TBC1D31: variants seen among roughly 807,000 people sequenced by gnomAD.
TBC1D31 encodes the protein TBC1 domain family member 31, also known as WD repeat domain 67.
Under a neutral mutation model 132.9 loss-of-function variants are expected in TBC1D31, and 99 were observed. The observed-to-expected ratio is 0.74, with a 90% confidence interval of 0.63 to 0.88. The LOEUF is 0.88. Among genes scored for constraint, TBC1D31 ranks in the 40% least tolerant of loss-of-function variants. TBC1D31 has a pLI of 0.00. For missense variants in TBC1D31, 1,134 were observed against 1,256.6 expected, an observed-to-expected ratio of 0.90 and a Z score of 1.48; for synonymous variants, 385 against 419.4, an observed-to-expected ratio of 0.92 and a Z score of 1.00.
At chr8:123,148,126 CAA>C (rs768554132) in intron 20 of TBC1D31, among the ~76,000 whole-genome samples, 10 of 115,966 alleles carry the variant, frequency 8.6e-5, no homozygotes, top group Non-Finnish European at 9.3e-5. Context: ...GACTCCATCT[CAA>C]AAAAAAAAAA....
downstream of TBC1D31, among the ~76,000 whole-genome samples, chr8:123,155,606 A>G (rs982495497): frequency 2.0e-5 from 3 of 152,210 alleles, no homozygotes; most frequent in Non-Finnish European, 4.4e-5. This position sits in a 1 kb window ranked among gnomAD's most constrained non-coding sequence, Gnocchi z 4.1. Flanking sequence ...ATCACCATGG[A>G]GAGTCATACC....
chr8:123,084,415 A>G, intron 4 of TBC1D31, 75 bp downstream of exon 4: 1 of 1,361,926 alleles, frequency 7.3e-7, no homozygotes, highest in Non-Finnish European at 1.0e-6. Context: ...TATAGATGAT[A>G]TAAGAGTAAT....
At chr8:123,096,653 A>G (rs2130264137) in intron 5 of TBC1D31, among the ~76,000 whole-genome samples, 1 of 152,394 alleles carries the variant, frequency 6.6e-6, no homozygotes, top group African/African-American at 2.4e-5. Flanking sequence ...GACTGTGTCC[A>G]TGGCTTCTGG....
rs1370255585 is a variant in TBC1D31, at chr8:123,117,708, G to A, written c.1437-2347G>A. On this transcript the variant is annotated intron_variant, in intron 10 of 21. Coordinates refer to ENST00000287380, the MANE Select transcript of TBC1D31 (RefSeq NM_145647.4). ...GCGGAGGTTGCAGTGAGTCGAGATC[G>A]CGCCACTGCGCTCCAGCCTGGGCGA... Among the ~76,000 whole-genome samples, 6 of 143,122 alleles carry A rather than the reference G, an allele frequency of 4.2e-5. No individual in the cohort carries two copies. In the East Asian group the frequency reaches 1.1e-3, roughly 25 times the overall value. The allele number at this position is 143,122 out of a possible 152,430, so 93.9% of individuals were successfully genotyped here.
intron 17 of TBC1D31, among the ~76,000 whole-genome samples, chr8:123,140,541 A>AT (rs890962988): frequency 7.3e-5 from 11 of 151,316 alleles, no homozygotes; most frequent in East Asian, 1.9e-4. Context: ...TCATTTTGAC[A>AT]TTTTTTTTTA....
intron 1 of TBC1D31, among the ~76,000 whole-genome samples, chr8:123,076,336 G>GTA (rs1296619488): frequency 1.1e-5 from 1 of 92,800 alleles, no homozygotes; most frequent in African/African-American, 4.2e-5. Context: ...TTAATTGTGT[G>GTA]TATGTGTGTG....
In TBC1D31 at chr8:123,126,128, T is replaced by C. The variant is rs771505339; in HGVS notation, c.1643T>C (p.Val548Ala). The part of the protein sequence containing the change: ...PINILSMIEN[V>A]LAFHDKELLQ... ...AATATTCTTAGCATGATAGAAAATG[T>C]TTTGGCATTTCATGACAAGGAACTG... Residue 548 changes from valine (V) to alanine (A), a missense_variant, in exon 12 of 22, where the codon GTT becomes GCT. By Grantham distance (64) the Val-to-Ala change is moderately conservative. Transcript: ENST00000287380. The C allele has an allele frequency of 5.6e-6, 9 of 1,612,222 alleles. No homozygotes were observed. The highest frequency in any genetic ancestry group is 8.5e-7 in the Non-Finnish European group (1 of 1,179,312).
chr8:123,129,085 C>T lies in TBC1D31; in HGVS notation c.2137C>T (p.Gln713Ter), dbSNP rs1047414007. The change falls in exon 15 of 22, where the codon CAA (glutamine) becomes TAA (stop). Residue 713 changes from glutamine (Q) to a stop codon, truncating the protein, a stop_gained. Transcript: ENST00000287380. LOFTEE classifies it high-confidence loss of function. ...LRERQTVEDM[Q>*]AKVDQQRVED... ...CTTAAGGCAGACAGTTGAAGATATGCAAGCTAAAGTCGACCAGCAAAGAGT... is the reference window on the plus strand; with the variant it reads ...CTTAAGGCAGACAGTTGAAGATATGTAAGCTAAAGTCGACCAGCAAAGAGT... The T allele has an allele frequency of 2.4e-5, 39 of 1,598,030 alleles. No individual in the cohort carries two copies. The highest frequency in any genetic ancestry group is 3.2e-5 in the Non-Finnish European group (38 of 1,170,168).
At chr8:123,108,141 G>C (rs556613837) in intron 8 of TBC1D31, among the ~76,000 whole-genome samples, 1 of 152,176 alleles carries the variant, frequency 6.6e-6, no homozygotes, top group South Asian at 2.1e-4. Flanking sequence ...TGTAAAAAGA[G>C]CACTAAACGA....
Position 123,097,407 on chromosome 8 carries a change from T to C in TBC1D31, c.797T>C (p.Phe266Ser). 2 of 1,614,190 alleles carry C rather than the reference T, an allele frequency of 1.2e-6. No individual in the cohort carries two copies. The highest frequency in any genetic ancestry group is 1.7e-6 in the Non-Finnish European group (2 of 1,180,030). ...TKVRAIRHLE[F>S]LPDSFDAGSN... ...GTTCGAGCCATTCGCCATCTGGAATTTCTTCCTGATAGTTTTGATGCTGGT... is the reference window on the plus strand; with the variant it reads ...GTTCGAGCCATTCGCCATCTGGAATCTCTTCCTGATAGTTTTGATGCTGGT... Residue 266 changes from phenylalanine (F) to serine (S), a missense_variant, in exon 6 of 22, where the codon TTT becomes TCT. Transcript: ENST00000287380.
Position 123,150,323 on chromosome 8 carries a change from A to G in TBC1D31, c.3067+195A>G, listed in dbSNP as rs750025651. Among the ~76,000 whole-genome samples the G allele has an allele frequency of 3.4e-4, 52 of 152,218 alleles. No homozygotes were observed. The highest frequency in any genetic ancestry group is 6.5e-4 in the Non-Finnish European group (44 of 68,042). On this transcript the variant is annotated intron_variant, in intron 21 of 21. Transcript: ENST00000287380. Reference sequence around the variant, plus strand: ...AGAACTGGGTGCAGACCAAATTCCAAGTAAAGAAAATGTGCTGAATCCACT... The same window carrying G: ...AGAACTGGGTGCAGACCAAATTCCAGGTAAAGAAAATGTGCTGAATCCACT...
the TBC1D31 span, among the ~76,000 whole-genome samples, chr8:123,159,145 G>A: frequency 6.6e-6 from 1 of 151,990 alleles, no homozygotes; most frequent in African/African-American, 2.4e-5. Flanking sequence ...AAATCCCAAC[G>A]GTCCTGTCTA....
At chr8:123,119,335 G>T (rs1026729604) in intron 10 of TBC1D31, among the ~76,000 whole-genome samples, 2 of 152,190 alleles carry the variant, frequency 1.3e-5, no homozygotes, top group African/African-American at 4.8e-5. Flanking sequence ...GATACACACT[G>T]TGTGGCACAT....
the TBC1D31 span, among the ~76,000 whole-genome samples, chr8:123,159,069 T>C: frequency 6.6e-6 from 1 of 151,790 alleles, no homozygotes; most frequent in Non-Finnish European, 1.5e-5. Flanking sequence ...ACTGGGAGTG[T>C]CACCTAGATC....
intron 16 of TBC1D31, among the ~76,000 whole-genome samples, chr8:123,133,413 C>T (rs1820805372): frequency 6.6e-6 from 1 of 152,174 alleles, no homozygotes; most frequent in South Asian, 2.1e-4. Flanking sequence ...CTCTTTTAGT[C>T]TTTGGATATA....
intron 5 of TBC1D31, among the ~76,000 whole-genome samples, chr8:123,094,998 T>C (rs2130221706): frequency 6.6e-6 from 1 of 152,346 alleles, no homozygotes; most frequent in East Asian, 1.9e-4. Flanking sequence ...TTTGTTGATA[T>C]ATTCGTCTTT....
intron 19 of TBC1D31, among the ~76,000 whole-genome samples, chr8:123,143,216 TTTCCAGGAG>T (rs1430093108): frequency 1.3e-5 from 2 of 152,204 alleles, no homozygotes; most frequent in African/African-American, 4.8e-5. Flanking sequence ...TTCTAACTTC[TTTCCAGGAG>T]TTCCATATCA....
In TBC1D31 at chr8:123,097,321, T is replaced by C. The variant is rs1816928419; in HGVS notation, c.711T>C (p.His237=). ...TGGCTGCTGGAGGCAAGTCAAATCA[T>C]CTTCATTTGTGGTGCTTGGAAGCTA... is the stretch of plus-strand genomic sequence containing the variant. ...RILAAGGKSN[H]LHLWCLEARQ... The change falls in exon 6 of 22, where the codon CAT becomes CAC. Residue 237 remains histidine (H), a synonymous_variant. Coordinates refer to ENST00000287380, the MANE Select transcript of TBC1D31 (RefSeq NM_145647.4). 1 of 1,614,180 alleles carries C rather than the reference T, an allele frequency of 6.2e-7. No individual in the cohort carries two copies. The highest frequency in any genetic ancestry group is 1.3e-5 in the African/African-American group (1 of 75,050).
rs1434048577 is a variant in TBC1D31 at position 123,150,132 on chromosome 8, A to G, written c.3067+4A>G. 1 of 1,601,608 alleles carries G rather than the reference A, an allele frequency of 6.2e-7. No individual in the cohort carries two copies. Among genetic ancestry groups the G allele is most frequent in the Non-Finnish European group, 8.5e-7 (1 of 1,169,782 alleles). On this transcript the variant is annotated splice_donor_region_variant and intron_variant, in intron 21 of 21. Transcript: ENST00000287380. Reference sequence around the variant, plus strand: ...GAAATGGATCCCTCAACACAGAGTAAGTTGATAAGCAAGAAAATGTTATTC... The same window carrying G: ...GAAATGGATCCCTCAACACAGAGTAGGTTGATAAGCAAGAAAATGTTATTC...
Sources: allele counts gnomAD v4.1 joint callset (sites outside exome capture counted in the v4.1 genomes callset), GRCh38; gene constraint gnomAD v4.1.1; non-coding constraint Gnocchi (gnomAD v3.1); transcripts MANE v1.5; gene names NCBI Gene and HGNC (gene_info 2026-07-23, HGNC 2026-07-21).